The following EPCAM variants were observed in gnomAD, a reference collection of about 807,000 sequenced individuals.
EPCAM encodes the protein epithelial cell adhesion molecule, also known as adenocarcinoma-associated antigen.
In EPCAM, 39 loss-of-function variants were observed where a neutral mutation model predicts 40.0. That is an observed-to-expected ratio of 0.98 (90% CI 0.76 to 1.27). The LOEUF is 1.27. Ranked by LOEUF, EPCAM falls within the 50% of genes most tolerant of loss-of-function variation. EPCAM has a pLI of 0.00. For synonymous variants in EPCAM, 168 were observed against 132.3 expected (o/e 1.27, Z -1.85); for missense variants, 503 against 381.2 (o/e 1.32, Z -2.66).
chr2:47,371,657 C>G (rs1354634950), intron 1 of EPCAM, among the ~76,000 whole-genome samples: 2 of 152,210 alleles, frequency 1.3e-5, no homozygotes, highest in Non-Finnish European at 2.9e-5. Context: ...CTCAGAAAGT[C>G]TGCACCTGAC....
intron 4 of EPCAM, 95 bp from the exon 5 acceptor site, chr2:47,376,918 GT>G (rs1671441855): frequency 2.5e-6 from 2 of 811,972 alleles, no homozygotes. Flanking sequence ...TTTAATGACA[GT>G]TTTAGACCCT....
chr2:47,378,868 A>G (rs1671498198), intron 5 of EPCAM, 85 bp from the exon 6 acceptor site: 1 of 735,086 alleles, frequency 1.4e-6, no homozygotes. Context: ...TCAAACACTG[A>G]ATATTCTGAT....
At chr2:47,380,503 C>T (rs115154358) in intron 7 of EPCAM, among the ~76,000 whole-genome samples, 218 of 152,266 alleles carry the variant, frequency 1.4e-3, no homozygotes, top group African/African-American at 5.2e-3. Flanking sequence ...TGGCTGTGCA[C>T]CTCACAGGCC....
In EPCAM at chr2:47,373,813, G is replaced by A. The variant is rs11554293; in HGVS notation, c.190G>A (p.Ala64Thr). The change falls in exon 3 of 9, where the codon GCC becomes ACC. Residue 64 changes from alanine (A) to threonine (T), a missense_variant. Coordinates refer to ENST00000263735, the MANE Select transcript of EPCAM (RefSeq NM_002354.3). The stretch of plus-strand genomic sequence containing the variant: ...CATTAAGGTTTCTTTTTCAGTGGCT[G>A]CCAAATGTTTGGTGATGAAGGCAGA... Reference protein sequence around the residue: ...QNTVICSKLAAKCLVMKAEMN... With the variant: ...QNTVICSKLATKCLVMKAEMN... 1 of 1,614,072 alleles carries A rather than the reference G, an allele frequency of 6.2e-7. No individual in the cohort carries two copies. The highest frequency in any genetic ancestry group is 1.7e-5 in the Admixed American group (1 of 59,998).
chr2:47,381,252 C>G (rs959092511), intron 7 of EPCAM, among the ~76,000 whole-genome samples: 1 of 151,296 alleles, frequency 6.6e-6, no homozygotes, highest in African/African-American at 2.4e-5. Context: ...CAAAATTATC[C>G]GGGCATGGTG....
chr2:47,375,284 G>C lies in EPCAM; in HGVS notation c.476G>C (p.Ser159Thr), dbSNP rs749483375. The stretch of plus-strand genomic sequence containing the variant: ...AAAGCAAGAGAAAAACCTTATGATA[G>C]TAAAAGTTTGCGGACGTAAGTGCAA... Reference protein sequence around the residue: ...KHKAREKPYDSKSLRTALQKE... With the variant: ...KHKAREKPYDTKSLRTALQKE... Residue 159 changes from serine (S) to threonine (T), a missense_variant, in exon 4 of 9, where the codon AGT (serine) becomes ACT (threonine). By Grantham distance (58) the Ser-to-Thr change is moderately conservative. Transcript: ENST00000263735. The C allele has an allele frequency of 6.2e-7, 1 of 1,611,780 alleles. No homozygotes were observed. The highest frequency in any genetic ancestry group is 1.1e-5 in the South Asian group (1 of 91,018).
At chr2:47,370,761 G>A (rs980153198) in intron 1 of EPCAM, among the ~76,000 whole-genome samples, 5 of 150,740 alleles carry the variant, frequency 3.3e-5, no homozygotes, top group South Asian at 2.1e-4. Flanking sequence ...ACAGAGTTTC[G>A]CTCTTGTTGC....
intron 1 of EPCAM, among the ~76,000 whole-genome samples, chr2:47,371,237 A>G (rs1671254889): frequency 6.6e-6 from 1 of 152,184 alleles, no homozygotes; most frequent in Non-Finnish European, 1.5e-5. Context: ...TAACTGTGGA[A>G]TAAACAACTT....
Position 47,373,627 on chromosome 2 carries a change from T to C in EPCAM, c.184+57T>C, listed in dbSNP as rs73927784. On this transcript the variant is annotated intron_variant, in intron 2 of 8. Transcript: ENST00000263735. ...TTATTTTGACTTAATACTTCTTTAA[T>C]TGATGTGCCTTGAGTTGGAAAGAGT... 2.1e-3 allele frequency: 3,103 copies of C among 1,448,430 alleles called. 63 individuals carry two copies. In the African/African-American group the frequency reaches 0.037, roughly 17 times the overall value. The allele number at this position is 1,448,430 out of a possible 1,614,324, so 89.7% of individuals were successfully genotyped here.
chr2:47,374,101 T>A (rs542812359), intron 3 of EPCAM, 53 bp downstream of exon 3: 167 of 1,594,926 alleles, frequency 1.0e-4, no homozygotes, highest in Non-Finnish European at 1.4e-4. Context: ...ATTCATTTAA[T>A]TAAATTTATT....
rs148725106 is a variant in EPCAM at position 47,375,295 on chromosome 2, C to G, written c.487C>G (p.Arg163Gly). ...REKPYDSKSL[R>G]TALQKEITTR... ...AAAACCTTATGATAGTAAAAGTTTG[C>G]GGACGTAAGTGCAATTAAATGCATC... Residue 163 changes from arginine to glycine, a missense_variant, in exon 4 of 9, where the codon CGG becomes GGG. Coordinates refer to ENST00000263735, the MANE Select transcript of EPCAM (RefSeq NM_002354.3). The G allele has an allele frequency of 6.2e-7, 1 of 1,605,420 alleles. No individual in the cohort carries two copies. The highest frequency in any genetic ancestry group is 8.5e-7 in the Non-Finnish European group (1 of 1,172,318).
chr2:47,378,324 G>T (rs1466519521), intron 5 of EPCAM, among the ~76,000 whole-genome samples: 1 of 143,664 alleles, frequency 7.0e-6, no homozygotes, highest in Admixed American at 7.1e-5. Flanking sequence ...TTTTTGAGAC[G>T]GAGTTTCGCT....
At chr2:47,376,643 T>G (rs1671435221) in intron 4 of EPCAM, among the ~76,000 whole-genome samples, 1 of 152,172 alleles carries the variant, frequency 6.6e-6, no homozygotes, top group Admixed American at 6.6e-5. Flanking sequence ...TTTATAATAC[T>G]TCACATTAGG....
chr2:47,385,148 T>A lies in EPCAM; in HGVS notation c.859-18T>A, dbSNP rs2103768390. On this transcript the variant is annotated intron_variant, in intron 7 of 8. Coordinates refer to ENST00000263735, the MANE Select transcript of EPCAM (RefSeq NM_002354.3). ...TGAATAGCAGTCCTAAAACAATAGTTGTCTTTCTTCCACTCAGGTTATTTC... is the reference window on the plus strand; with the variant it reads ...TGAATAGCAGTCCTAAAACAATAGTAGTCTTTCTTCCACTCAGGTTATTTC... The A allele has an allele frequency of 6.2e-7, 1 of 1,603,352 alleles. No individual in the cohort carries two copies. The highest frequency in any genetic ancestry group is 8.5e-7 in the Non-Finnish European group (1 of 1,170,432).
intron 6 of EPCAM, 30 bp downstream of exon 6, chr2:47,379,084 C>A: frequency 8.7e-7 from 1 of 1,148,598 alleles, no homozygotes; most frequent in Non-Finnish European, 1.3e-6. Context: ...TTCCTGTGTT[C>A]AGGAATGTAG....
At chr2:47,376,363 T>C (rs575599738) in intron 4 of EPCAM, among the ~76,000 whole-genome samples, 1 of 151,998 alleles carries the variant, frequency 6.6e-6, no homozygotes, top group East Asian at 1.9e-4. Context: ...TTCAAGCGAT[T>C]CTCCTGCCTC....
intron 6 of EPCAM, 44 bp downstream of exon 6, chr2:47,379,098 A>C: frequency 2.0e-6 from 2 of 1,000,292 alleles, no homozygotes; most frequent in Non-Finnish European, 3.2e-6. Flanking sequence ...AATGTAGTCT[A>C]TCATGCCTCA....
At chr2:47,374,095 A>C (rs777915261) in intron 3 of EPCAM, 47 bp downstream of exon 3, 1 of 1,596,804 alleles carries the variant, frequency 6.3e-7, no homozygotes, top group African/African-American at 1.3e-5. Flanking sequence ...GTTCAGATTC[A>C]TTTAATTAAA....
chr2:47,369,886 C>T (rs1671177543), intron 1 of EPCAM: 1 of 494,098 alleles, frequency 2.0e-6, no homozygotes, highest in Non-Finnish European at 3.9e-6. Context: ...CTGCGGCCAC[C>T]GAACCGGTGC....
Sources: allele counts gnomAD v4.1 joint callset (sites outside exome capture counted in the v4.1 genomes callset), GRCh38; gene constraint gnomAD v4.1.1; transcripts MANE v1.5; gene names NCBI Gene and HGNC (gene_info 2026-07-23, HGNC 2026-07-21).